Variants in SLC39A11 observed in about 807,000 individuals in gnomAD.
SLC39A11 encodes the protein zinc transporter ZIP11.
Under a neutral mutation model 36.1 loss-of-function variants are expected in SLC39A11, and 33 were observed. That is an observed-to-expected ratio of 0.91 (90% confidence interval 0.69 to 1.22). The LOEUF (loss-of-function observed/expected upper bound fraction) is 1.22, where lower values mean the gene tolerates loss of function less well. Ranked by LOEUF, SLC39A11 falls within the 50% of genes most tolerant of loss-of-function variation. The probability of loss-of-function intolerance (pLI) is 0.00; values close to 1 mark genes in which losing one functional copy is unlikely to be tolerated. For missense variants in SLC39A11, 432 were observed against 430.3 expected (o/e 1.00, Z -0.03); for synonymous variants, 166 against 170.3 (o/e 0.97, Z 0.20).
At chr17:72,729,441 A>T (rs1356524340) in intron 7 of SLC39A11, among the ~76,000 whole-genome samples, 85 of 2,222 alleles carry the variant, frequency 0.038, 8 homozygotes, top group Non-Finnish European at 0.046. Context: ...ATATATATAT[A>T]TATATATATA....
intron 5 of SLC39A11, among the ~76,000 whole-genome samples, chr17:72,900,068 G>A (rs28678864): frequency 2.7e-5 from 4 of 147,524 alleles, no homozygotes; most frequent in Admixed American, 6.8e-5. Context: ...AAGAAAGAGA[G>A]AGAGAGAAAG....
intron 4 of SLC39A11, among the ~76,000 whole-genome samples, chr17:72,998,820 G>C (rs1413897361): frequency 6.6e-6 from 1 of 152,206 alleles, no homozygotes; most frequent in East Asian, 1.9e-4. Flanking sequence ...AAGTTGCAAG[G>C]AAAGCCAGAC....
chr17:73,062,091 T>TC (rs1356458012), intron 3 of SLC39A11, among the ~76,000 whole-genome samples: 1 of 152,140 alleles, frequency 6.6e-6, no homozygotes, highest in Non-Finnish European at 1.5e-5. Context: ...TGGCGACTGT[T>TC]CTAGAATTAC....
chr17:72,703,470 G>A (rs1049498334), intron 7 of SLC39A11, among the ~76,000 whole-genome samples: 2 of 152,120 alleles, frequency 1.3e-5, no homozygotes, highest in African/African-American at 4.8e-5. Flanking sequence ...TCTTGCTGGG[G>A]TAAAGGTAAC....
chr17:72,986,920 G>A (rs2088807710), intron 4 of SLC39A11, among the ~76,000 whole-genome samples: 1 of 152,124 alleles, frequency 6.6e-6, no homozygotes, highest in African/African-American at 2.4e-5. Flanking sequence ...AAAGCACAGG[G>A]TATTGTCCAA....
chr17:72,916,794 G>A (rs953949502), intron 5 of SLC39A11, among the ~76,000 whole-genome samples: 3 of 151,880 alleles, frequency 2.0e-5, no homozygotes, highest in African/African-American at 4.8e-5. Context: ...ATCTCCCTCC[G>A]CACCTCAATT....
intron 5 of SLC39A11, among the ~76,000 whole-genome samples, chr17:72,930,167 T>G (rs1165673573): frequency 1.3e-5 from 2 of 152,328 alleles, no homozygotes; most frequent in South Asian, 2.1e-4. Context: ...TACTCCCTCA[T>G]AGCAGGCCAG....
At chr17:72,719,844 G>A (rs145526582) in intron 7 of SLC39A11, among the ~76,000 whole-genome samples, 322 of 152,320 alleles carry the variant, frequency 2.1e-3, no homozygotes, top group Admixed American at 3.7e-3. Flanking sequence ...GGAGGAAAGG[G>A]CCGCAGCATA....
chr17:72,694,837 C>G (rs2144488618), intron 7 of SLC39A11, among the ~76,000 whole-genome samples: 1 of 152,330 alleles, frequency 6.6e-6, no homozygotes, highest in African/African-American at 2.4e-5. Flanking sequence ...CCTGTCCTGG[C>G]TCTGTGAACT....
chr17:72,782,687 CAAAAAAAAAAAA>C (rs72447211), intron 6 of SLC39A11, among the ~76,000 whole-genome samples: 26 of 62,474 alleles, frequency 4.2e-4, no homozygotes, highest in African/African-American at 1.5e-3. Flanking sequence ...GACCCCATCT[CAAAAAAAAAAAA>C]AAAAAAAAAA....
intron 5 of SLC39A11, among the ~76,000 whole-genome samples, chr17:72,937,463 C>T (rs546152768): frequency 1.0e-3 from 154 of 151,950 alleles, no homozygotes; most frequent in African/African-American, 3.5e-3. Context: ...TCTAAACAAA[C>T]AAACAAAAAA....
At chr17:72,956,845 T>C (rs2086271163) in intron 4 of SLC39A11, among the ~76,000 whole-genome samples, 1 of 152,188 alleles carries the variant, frequency 6.6e-6, no homozygotes, top group African/African-American at 2.4e-5. Context: ...ATCGCACAAC[T>C]ATTGCTAGGT....
At chr17:72,791,946 G>A (rs986163430) in intron 6 of SLC39A11, among the ~76,000 whole-genome samples, 2 of 152,046 alleles carry the variant, frequency 1.3e-5, no homozygotes, top group Non-Finnish European at 2.9e-5. Context: ...ACCCAGTCTC[G>A]GGCAGTTCTT....
chr17:72,959,240 ACAACTG>A (rs1401944220), intron 4 of SLC39A11, among the ~76,000 whole-genome samples: 2 of 150,948 alleles, frequency 1.3e-5, no homozygotes, highest in South Asian at 2.1e-4. Context: ...AGCACAATTT[ACAACTG>A]CAAAATCATG....
chr17:72,922,657 GAA>G (rs2083742376), intron 5 of SLC39A11, among the ~76,000 whole-genome samples: 1 of 152,152 alleles, frequency 6.6e-6, no homozygotes, highest in Non-Finnish European at 1.5e-5. Flanking sequence ...GAACCAGAAA[GAA>G]ATCACCCCAA....
intron 5 of SLC39A11, among the ~76,000 whole-genome samples, chr17:72,935,235 G>A (rs779919164): frequency 6.6e-6 from 1 of 152,190 alleles, no homozygotes; most frequent in Non-Finnish European, 1.5e-5. Flanking sequence ...TCTCTGAAAT[G>A]CATGACGCCA....
chr17:73,082,576 A>C (rs940647470), intron 3 of SLC39A11, among the ~76,000 whole-genome samples: 7 of 152,146 alleles, frequency 4.6e-5, no homozygotes, highest in African/African-American at 1.7e-4. Context: ...GTTGTGTTAT[A>C]ATACTGGCAT....
At chr17:72,840,598 A>G (rs1408528447) in intron 6 of SLC39A11, among the ~76,000 whole-genome samples, 3 of 152,206 alleles carry the variant, frequency 2.0e-5, no homozygotes, top group African/African-American at 7.2e-5. Flanking sequence ...GCCTCTACTA[A>G]AAGTACAAAA....
chr17:72,732,257 C>T (rs371121783), intron 7 of SLC39A11, among the ~76,000 whole-genome samples: 8 of 151,804 alleles, frequency 5.3e-5, no homozygotes, highest in East Asian at 1.9e-4. Context: ...TCGAGGGATC[C>T]GCCCGCCTCG....
Sources: allele counts gnomAD v4.1 joint callset (sites outside exome capture counted in the v4.1 genomes callset), GRCh38; gene constraint gnomAD v4.1.1; transcripts MANE v1.5; gene names NCBI Gene and HGNC (gene_info 2026-07-23, HGNC 2026-07-21).